Variants in NMNAT2 observed in about 807,000 individuals in gnomAD.
NMNAT2 encodes the protein nicotinamide/nicotinic acid mononucleotide adenylyltransferase 2.
NMNAT2 carries 11 observed loss-of-function variants against 41.6 expected under a neutral mutation model. That is an observed-to-expected ratio of 0.26 (90% confidence interval 0.17 to 0.44). The LOEUF is 0.44. Ranked by LOEUF, NMNAT2 falls within the 20% of genes least tolerant of loss-of-function variation. NMNAT2 has a pLI of 1.00. For missense variants in NMNAT2, 288 were observed against 407.7 expected (o/e 0.71, Z 2.53); for synonymous variants, 148 against 151.2 (o/e 0.98, Z 0.16).
chr1:183,331,880 C>A (rs1324754668), intron 1 of NMNAT2, among the ~76,000 whole-genome samples: 2 of 152,186 alleles, frequency 1.3e-5, no homozygotes, highest in African/African-American at 4.8e-5. Context: ...CTCTGCCTTC[C>A]CAGTTCAAGC....
At chr1:183,257,574 AG>A (rs1660550638) in intron 10 of NMNAT2, among the ~76,000 whole-genome samples, 1 of 152,194 alleles carries the variant, frequency 6.6e-6, no homozygotes, top group Non-Finnish European at 1.5e-5. Context: ...TGGTCTGTTC[AG>A]GCTATTCCTG....
chr1:183,259,928 T>TAC (rs1231196564), intron 10 of NMNAT2, among the ~76,000 whole-genome samples: 1 of 152,180 alleles, frequency 6.6e-6, no homozygotes, highest in Non-Finnish European at 1.5e-5. Flanking sequence ...AACTGACACT[T>TAC]ACGTGTTCGT....
Position 183,252,557 on chromosome 1 carries a change from A to G in NMNAT2, c.*84T>C. The G allele has an allele frequency of 1.0e-6, 1 of 975,078 alleles. No homozygotes were observed. The highest frequency in any genetic ancestry group is 1.7e-6 in the Non-Finnish European group (1 of 598,308). The allele number at this position is 975,078 out of a possible 1,614,324, so 60.4% of individuals were successfully genotyped here. ...AGTAGGGAAAACAGTCAAGACGAGG[A>G]GATGGAGAAACAGAGAGGCAGGAGA... On this transcript the variant is annotated 3_prime_UTR_variant, in exon 11 of 11. Transcript: ENST00000287713.
intron 1 of NMNAT2, among the ~76,000 whole-genome samples, chr1:183,379,855 T>A (rs977156607): frequency 6.6e-6 from 1 of 152,264 alleles, no homozygotes; most frequent in African/African-American, 2.4e-5. Flanking sequence ...AGGGATTGCT[T>A]GAAAGATAAA....
At chr1:183,281,050 G>T (rs2102299433) in intron 7 of NMNAT2, among the ~76,000 whole-genome samples, 1 of 152,248 alleles carries the variant, frequency 6.6e-6, no homozygotes, top group African/African-American at 2.4e-5. Context: ...CTCCCAAAGT[G>T]CTGGGATTAT....
intron 1 of NMNAT2, among the ~76,000 whole-genome samples, chr1:183,341,730 A>AAAAAAAAAAC (rs1217933594): frequency 1.5e-5 from 2 of 130,656 alleles, no homozygotes; most frequent in African/African-American, 6.4e-5. Flanking sequence ...AACACCAAAA[A>AAAAAAAAAAC]AAAAAAAAAA....
At chr1:183,326,013 C>CAT (rs1323479869) in intron 1 of NMNAT2, among the ~76,000 whole-genome samples, 2 of 152,114 alleles carry the variant, frequency 1.3e-5, no homozygotes, top group Non-Finnish European at 2.9e-5. Flanking sequence ...CACAAACACA[C>CAT]ATATACATGT....
At chr1:183,280,805 A>G (rs1381662235) in intron 7 of NMNAT2, among the ~76,000 whole-genome samples, 85 of 75,604 alleles carry the variant, frequency 1.1e-3, no homozygotes, top group Middle Eastern at 0.025. Context: ...TTTTTTTGAG[A>G]TGGAGTTTCG....
In NMNAT2 at chr1:183,293,810, A is replaced by G. The variant is rs1214936469; in HGVS notation, c.86-17T>C. On this transcript the variant is annotated splice_polypyrimidine_tract_variant and intron_variant, in intron 1 of 10. Coordinates refer to ENST00000287713, the MANE Select transcript of NMNAT2 (RefSeq NM_015039.4). ...TGGCTCTTTCTAATTAAGAGAAGAA[A>G]CCCACACATTATAAAGAGGAAAGGC... 2 of 1,565,960 alleles carry G rather than the reference A, an allele frequency of 1.3e-6. No homozygotes were observed. The highest frequency in any genetic ancestry group is 1.7e-5 in the Admixed American group (1 of 59,958).
chr1:183,358,842 G>A (rs895325632), intron 1 of NMNAT2, among the ~76,000 whole-genome samples: 7 of 152,128 alleles, frequency 4.6e-5, no homozygotes, highest in Admixed American at 3.3e-4. Context: ...GGTACAGGAC[G>A]GACGATAAGG....
intron 1 of NMNAT2, among the ~76,000 whole-genome samples, chr1:183,316,566 G>A (rs1054815566): frequency 2.6e-4 from 40 of 152,116 alleles, no homozygotes; most frequent in Non-Finnish European, 5.7e-4. Context: ...GCCAGGGCTC[G>A]CCAGCCCCCC....
In NMNAT2 at chr1:183,418,313, T is replaced by C; in HGVS notation, c.-46A>G. 6.5e-7 allele frequency: 1 copy of C among 1,538,306 alleles called. No individual in the cohort carries two copies. The highest frequency in any genetic ancestry group is 2.3e-5 in the East Asian group (1 of 44,394). ...GGTGGTCTAGGGGTTGCCTCTCTTT[T>C]TGTGTCTCGTTGTGTCTGCAGAGGG... is the stretch of plus-strand genomic sequence containing the variant. On this transcript the variant is annotated 5_prime_UTR_variant, in exon 1 of 11. Coordinates refer to ENST00000287713, the MANE Select transcript of NMNAT2 (RefSeq NM_015039.4).
rs373687104 is a variant in NMNAT2, at chr1:183,401,790, T to C, written c.85+16393A>G. The stretch of plus-strand genomic sequence containing the variant: ...GGGACATGGAAGAAGCTGGAAACTA[T>C]CATTCTGAGCAAACTATTGCAAGGA... On this transcript the variant is annotated intron_variant, in intron 1 of 10. Coordinates refer to ENST00000287713, the MANE Select transcript of NMNAT2 (RefSeq NM_015039.4). Among the ~76,000 whole-genome samples, 10 of 152,162 alleles carry C rather than the reference T, an allele frequency of 6.6e-5. No individual in the cohort carries two copies. The East Asian group carries it at 1.5e-3, about 24-fold the overall frequency.
At chr1:183,283,970 T>G (rs768295908) in intron 7 of NMNAT2, 25 bp downstream of exon 7, 1 of 1,613,370 alleles carries the variant, frequency 6.2e-7, no homozygotes, top group Non-Finnish European at 8.5e-7. Context: ...GTCCCCATTT[T>G]CCGCACTTTC....
chr1:183,266,458 T>G lies in NMNAT2; in HGVS notation c.652-5155A>C, dbSNP rs1467707380. On this transcript the variant is annotated intron_variant, in intron 8 of 10. Coordinates refer to ENST00000287713, the MANE Select transcript of NMNAT2 (RefSeq NM_015039.4). ...CCTTAAGCCTAAATTCTCACCAGAG[T>G]TGCACTTTCACCCTTTTGGTTCTCT... 15 of 152,154 alleles carry G rather than the reference T, an allele frequency of 9.9e-5. 1 individual carries two copies. The highest frequency in any genetic ancestry group is 9.8e-4 in the Admixed American group (15 of 15,254). 9.4% of individuals were successfully genotyped at this position (152,154 alleles called of 1,614,324 possible). A position where few individuals can be genotyped will look rare whatever the true frequency, so the allele number is the denominator to read the frequency against.
chr1:183,316,418 G>A (rs139467765), intron 1 of NMNAT2, among the ~76,000 whole-genome samples: 2 of 152,278 alleles, frequency 1.3e-5, no homozygotes, highest in East Asian at 3.9e-4. Flanking sequence ...AGCTTGAAAA[G>A]AGAGCAAAAT....
At chr1:183,356,093 G>A (rs970638557) in intron 1 of NMNAT2, among the ~76,000 whole-genome samples, 3 of 152,202 alleles carry the variant, frequency 2.0e-5, no homozygotes, top group East Asian at 1.9e-4. Flanking sequence ...AGCATTTACC[G>A]TGTGTCTGAC....
chr1:183,284,133 G>GT, intron 6 of NMNAT2, 94 bp from the exon 7 acceptor site: 5 of 754,526 alleles, frequency 6.6e-6, no homozygotes, highest in South Asian at 1.5e-5. Context: ...GAATTATTGG[G>GT]ATGGGGTGGG....
intron 1 of NMNAT2, among the ~76,000 whole-genome samples, chr1:183,295,278 A>C (rs1328576608): frequency 6.6e-6 from 1 of 152,194 alleles, no homozygotes; most frequent in Non-Finnish European, 1.5e-5. Context: ...CAAGGGTTAC[A>C]GGCATGAGCC....
Sources: gnomAD v4.1 joint callset for allele counts (sites outside exome capture counted in the v4.1 genomes callset) on GRCh38, gnomAD v4.1.1 for gene constraint, MANE v1.5 for transcripts, NCBI Gene and HGNC (gene_info 2026-07-23, HGNC 2026-07-21) for gene names.